The following CBFA2T2 variants were observed in gnomAD, a reference collection of about 807,000 sequenced individuals.
CBFA2T2 encodes the protein protein CBFA2T2.
A neutral mutation model predicts 62.2 loss-of-function variants in CBFA2T2; 11 were observed. The ratio of observed to expected loss-of-function variants is 0.18; its 90% CI spans 0.11 to 0.29. The LOEUF is 0.29. Ranked by LOEUF, CBFA2T2 falls within the 10% of genes least tolerant of loss-of-function variation. The probability of loss-of-function intolerance (pLI) is 1.00; values close to 1 mark genes in which losing one functional copy is unlikely to be tolerated. For synonymous variants in CBFA2T2, 295 were observed against 287.5 expected (o/e 1.03, Z -0.27); for missense variants, 592 against 774.1 (o/e 0.76, Z 2.79).
At chr20:33,539,637 C>T (rs1207555808) in intron 1 of CBFA2T2, among the ~76,000 whole-genome samples, 1 of 151,158 alleles carries the variant, frequency 6.6e-6, no homozygotes, top group Non-Finnish European at 1.5e-5. Flanking sequence ...AGCAGTGCAT[C>T]AAAATACTTT....
At chr20:33,573,548 C>A (rs555953469) in intron 1 of CBFA2T2, among the ~76,000 whole-genome samples, 3 of 151,660 alleles carry the variant, frequency 2.0e-5, no homozygotes, top group Non-Finnish European at 4.4e-5. Context: ...GTGGCGTGAT[C>A]TTAGCTCACT....
intron 3 of CBFA2T2, 115 bp downstream of exon 3, chr20:33,611,450 C>A: frequency 8.4e-7 from 1 of 1,186,280 alleles, no homozygotes; most frequent in Non-Finnish European, 1.2e-6. Context: ...ATGGCAAATG[C>A]TACAGACTAG....
chr20:33,537,474 G>C (rs1210594547), intron 1 of CBFA2T2, among the ~76,000 whole-genome samples: 1 of 152,162 alleles, frequency 6.6e-6, no homozygotes, highest in Admixed American at 6.5e-5. Flanking sequence ...GAGGGAGACC[G>C]TGGAAAGAGA....
intron 1 of CBFA2T2, among the ~76,000 whole-genome samples, chr20:33,509,617 C>T (rs1384445876): frequency 6.6e-6 from 1 of 151,974 alleles, no homozygotes; most frequent in Non-Finnish European, 1.5e-5. Context: ...CATTTGAGGT[C>T]AGGAGTTTGA....
At chr20:33,509,837 T>A (rs571187005) in intron 1 of CBFA2T2, among the ~76,000 whole-genome samples, 4 of 151,178 alleles carry the variant, frequency 2.6e-5, no homozygotes, top group East Asian at 1.9e-4. Context: ...TTTTTTTTTT[T>A]AAATACAAGT....
intron 1 of CBFA2T2, among the ~76,000 whole-genome samples, chr20:33,547,129 G>C (rs2012595660): frequency 6.6e-6 from 1 of 152,206 alleles, no homozygotes; most frequent in African/African-American, 2.4e-5. Context: ...GAACCCAGGA[G>C]GCAGAGGTTG....
intron 1 of CBFA2T2, among the ~76,000 whole-genome samples, chr20:33,510,123 G>A (rs535981183): frequency 3.9e-4 from 59 of 151,908 alleles, no homozygotes; most frequent in African/African-American, 1.3e-3. Flanking sequence ...TTCCAGCTGC[G>A]TCCATGTCCC....
At chr20:33,594,215 A>G (rs1378966473) in intron 1 of CBFA2T2, among the ~76,000 whole-genome samples, 2 of 152,032 alleles carry the variant, frequency 1.3e-5, no homozygotes, top group Non-Finnish European at 2.9e-5. Context: ...ATTTACTGCT[A>G]TATTTCTTTC....
intron 1 of CBFA2T2, among the ~76,000 whole-genome samples, chr20:33,544,239 A>G (rs1198252240): frequency 3.9e-5 from 6 of 152,040 alleles, no homozygotes; most frequent in African/African-American, 1.4e-4. Flanking sequence ...CTCATATCCT[A>G]CTACTTTTCA....
chr20:33,532,687 T>C (rs949767336), intron 1 of CBFA2T2, among the ~76,000 whole-genome samples: 1 of 152,248 alleles, frequency 6.6e-6, no homozygotes, highest in Non-Finnish European at 1.5e-5. Context: ...TGAGAGGATG[T>C]ATCTTGTCTG....
chr20:33,526,382 G>A (rs1291390788), intron 1 of CBFA2T2, among the ~76,000 whole-genome samples: 6 of 152,250 alleles, frequency 3.9e-5, no homozygotes, highest in South Asian at 4.1e-4. Flanking sequence ...GAACCTAACC[G>A]TGTGTTTTCC....
intron 1 of CBFA2T2, among the ~76,000 whole-genome samples, chr20:33,537,243 G>A (rs903571923): frequency 6.6e-6 from 1 of 152,256 alleles, no homozygotes; most frequent in African/African-American, 2.4e-5. Context: ...CCGGCACCTC[G>A]CGAGGCCGAG....
At chr20:33,587,411 C>T (rs1434996831) in intron 1 of CBFA2T2, among the ~76,000 whole-genome samples, 3 of 152,114 alleles carry the variant, frequency 2.0e-5, no homozygotes, top group African/African-American at 7.2e-5. Context: ...GGACTACAGG[C>T]GCCTGCCACA....
intron 1 of CBFA2T2, among the ~76,000 whole-genome samples, chr20:33,506,699 G>A (rs2146851522): frequency 6.6e-6 from 1 of 152,260 alleles, no homozygotes; most frequent in African/African-American, 2.4e-5. Flanking sequence ...GAGTTCTGTT[G>A]GGAAATAGTG....
intron 1 of CBFA2T2, among the ~76,000 whole-genome samples, chr20:33,544,584 G>T (rs1380279498): frequency 6.6e-6 from 1 of 151,998 alleles, no homozygotes; most frequent in Non-Finnish European, 1.5e-5. Flanking sequence ...GTCTCGCTCT[G>T]TCACCCAGGC....
At chr20:33,561,428 G>A (rs985286503) in intron 1 of CBFA2T2, among the ~76,000 whole-genome samples, 14 of 152,210 alleles carry the variant, frequency 9.2e-5, no homozygotes, top group African/African-American at 3.4e-4. Context: ...TTCACAGGAA[G>A]TTATAATGAA....
At chr20:33,599,588 C>CTTT (rs1207752005) in intron 1 of CBFA2T2, among the ~76,000 whole-genome samples, 6 of 141,440 alleles carry the variant, frequency 4.2e-5, no homozygotes, top group Non-Finnish European at 7.7e-5. Flanking sequence ...GGTAATTTCC[C>CTTT]TTTTTTTTTT....
chr20:33,601,449 G>A (rs1046283376), intron 1 of CBFA2T2, among the ~76,000 whole-genome samples: 7 of 151,996 alleles, frequency 4.6e-5, no homozygotes, highest in Non-Finnish European at 1.0e-4. Flanking sequence ...ATTTTTAGTA[G>A]AGACAGGGTT....
In CBFA2T2 at chr20:33,645,735, C is replaced by A. The variant is rs1480243751; in HGVS notation, c.*1089C>A. 6.6e-6 allele frequency: 1 copy of A among 152,242 alleles called. No individual in the cohort carries two copies. 9.4% of individuals were successfully genotyped at this position (152,242 alleles called of 1,614,324 possible). ...AAGCCCTCCTGGACCTCAAAGAATT[C>A]TTCAGACCTCATAGTTACAGGTCAT... On this transcript the variant is annotated 3_prime_UTR_variant, in exon 11 of 11. Coordinates refer to ENST00000342704, the MANE Select transcript of CBFA2T2 (RefSeq NM_001032999.3).
Sources: gnomAD v4.1 joint callset for allele counts (sites outside exome capture counted in the v4.1 genomes callset) on GRCh38, gnomAD v4.1.1 for gene constraint, MANE v1.5 for transcripts, NCBI Gene and HGNC (gene_info 2026-07-23, HGNC 2026-07-21) for gene names.